XKR4: variants seen among roughly 807,000 people sequenced by gnomAD.
XKR4 encodes the protein XK related 4, also known as XK-related protein 4.
A neutral mutation model predicts 53.9 loss-of-function variants in XKR4; 12 were observed. The observed-to-expected ratio is 0.22, with a 90% CI of 0.14 to 0.36. The LOEUF (loss-of-function observed/expected upper bound fraction) is 0.36. Among genes scored for constraint, XKR4 ranks in the 10% least tolerant of loss-of-function variants. The pLI, the probability that XKR4 is intolerant of heterozygous loss-of-function variation, is 1.00. For synonymous variants in XKR4, 354 were observed against 362.4 expected (o/e 0.98, Z 0.26); for missense variants, 799 against 859.5 (o/e 0.93, Z 0.88).
At chr8:55,332,683 A>T (rs1312799451) in intron 1 of XKR4, among the ~76,000 whole-genome samples, 1 of 152,098 alleles carries the variant, frequency 6.6e-6, no homozygotes, top group Non-Finnish European at 1.5e-5. Flanking sequence ...CTTATTGAGT[A>T]TAATGTGTCT....
chr8:55,166,321 C>T (rs1817065959), intron 1 of XKR4, among the ~76,000 whole-genome samples: 1 of 152,186 alleles, frequency 6.6e-6, no homozygotes, highest in Non-Finnish European at 1.5e-5. Context: ...CAGCACCATC[C>T]TTCTGCTGAC....
intron 1 of XKR4, among the ~76,000 whole-genome samples, chr8:55,255,114 A>G (rs901800795): frequency 6.6e-6 from 1 of 152,166 alleles, no homozygotes; most frequent in Non-Finnish European, 1.5e-5. Flanking sequence ...AAATACCTGT[A>G]TGTCTCCACA....
intron 2 of XKR4, among the ~76,000 whole-genome samples, chr8:55,469,762 A>AGTT (rs1332549460): frequency 1.3e-5 from 2 of 152,088 alleles, no homozygotes; most frequent in African/African-American, 4.8e-5. Context: ...GCCTGACTAT[A>AGTT]AGCTATGAGC....
At chr8:55,145,858 C>G (rs774533412) in intron 1 of XKR4, among the ~76,000 whole-genome samples, 9 of 152,186 alleles carry the variant, frequency 5.9e-5, no homozygotes, top group Admixed American at 2.6e-4. Flanking sequence ...CCAGTTCACT[C>G]CAGTATCTCA....
At chr8:55,427,193 A>C (rs938242812) in intron 2 of XKR4, among the ~76,000 whole-genome samples, 26 of 152,362 alleles carry the variant, frequency 1.7e-4, no homozygotes, top group Non-Finnish European at 2.5e-4. Context: ...ATGCTCTACT[A>C]TACATAGAAT....
chr8:55,399,673 C>T lies in XKR4; in HGVS notation c.1006+41796C>T, dbSNP rs372882236. Among the ~76,000 whole-genome samples, 38 of 152,306 alleles carry T rather than the reference C, an allele frequency of 2.5e-4. No individual in the cohort carries two copies. In the East Asian group the frequency reaches 6.0e-3, roughly 24 times the overall value. ...AAACTGTTCACAGCTCTGACATGGG[C>T]GCTCGTGCCAATGCAGCCATTGGGA... is the stretch of plus-strand genomic sequence containing the variant. On this transcript the variant is annotated intron_variant, in intron 2 of 2. Transcript: ENST00000327381.
chr8:55,480,415 G>A (rs911767064), intron 2 of XKR4, among the ~76,000 whole-genome samples: 1 of 152,246 alleles, frequency 6.6e-6, no homozygotes, highest in South Asian at 2.1e-4. Flanking sequence ...AATTATAAGA[G>A]CTATCTATGA....
chr8:55,457,256 C>T (rs1365126757), intron 2 of XKR4, among the ~76,000 whole-genome samples: 1 of 151,694 alleles, frequency 6.6e-6, no homozygotes, highest in African/African-American at 2.4e-5. Flanking sequence ...CATTCTCCTG[C>T]CTCAGCCTCC....
At chr8:55,160,422 G>C (rs116472876) in intron 1 of XKR4, among the ~76,000 whole-genome samples, 4,603 of 152,246 alleles carry the variant, frequency 0.03, 173 homozygotes, top group East Asian at 0.12. Context: ...CTGTAGGCAT[G>C]AACTAGAAGT....
chr8:55,449,475 C>T (rs1269221435), intron 2 of XKR4: 11 of 1,026,856 alleles, frequency 1.1e-5, no homozygotes, highest in Non-Finnish European at 1.2e-5. Flanking sequence ...TCGGTAACGA[C>T]TGGAAGCAGA....
intron 2 of XKR4, among the ~76,000 whole-genome samples, chr8:55,456,908 T>C (rs1211922740): frequency 6.6e-6 from 1 of 151,988 alleles, no homozygotes; most frequent in African/African-American, 2.4e-5. Context: ...TGAAAGGCTG[T>C]CTACAAATAT....
At chr8:55,233,857 A>G (rs1818081127) in intron 1 of XKR4, among the ~76,000 whole-genome samples, 1 of 152,230 alleles carries the variant, frequency 6.6e-6, no homozygotes, top group Admixed American at 6.5e-5. Context: ...AGCATGAAAA[A>G]AAGCAGAAGC....
intron 1 of XKR4, among the ~76,000 whole-genome samples, chr8:55,302,000 T>C (rs542044600): frequency 1.3e-5 from 2 of 152,336 alleles, no homozygotes; most frequent in East Asian, 1.9e-4. Flanking sequence ...TTTAGTTTAA[T>C]TAGATCCCAT....
chr8:55,107,479 A>G (rs1816167062), intron 1 of XKR4, among the ~76,000 whole-genome samples: 1 of 152,202 alleles, frequency 6.6e-6, no homozygotes, highest in Non-Finnish European at 1.5e-5. Flanking sequence ...GATCTTTCCA[A>G]TAACACACTG....
At chr8:55,408,248 A>G (rs973112185) in intron 2 of XKR4, among the ~76,000 whole-genome samples, 1 of 152,060 alleles carries the variant, frequency 6.6e-6, no homozygotes, top group African/African-American at 2.4e-5. Flanking sequence ...CCTCCTAACG[A>G]CCCTTGGAAG....
chr8:55,341,244 GCCCACTGGGACTCCT>G, intron 1 of XKR4, among the ~76,000 whole-genome samples: 1 of 152,256 alleles, frequency 6.6e-6, no homozygotes, highest in African/African-American at 2.4e-5. Context: ...TGGGACCCAA[GCCCACTGGGACTCCT>G]CTGTGAGGCA....
chr8:55,351,398 G>A (rs761896167), intron 1 of XKR4, among the ~76,000 whole-genome samples: 2 of 152,126 alleles, frequency 1.3e-5, no homozygotes, highest in Non-Finnish European at 2.9e-5. Context: ...GTGAGCTCAA[G>A]GTGCTATAAA....
At chr8:55,346,717 G>GTGTGTGTT (rs1032333930) in intron 1 of XKR4, among the ~76,000 whole-genome samples, 4 of 147,802 alleles carry the variant, frequency 2.7e-5, no homozygotes, top group Admixed American at 1.3e-4. Context: ...GTGTGTGTGT[G>GTGTGTGTT]TGTGTGTGTT....
chr8:55,318,491 C>T (rs1803149040), intron 1 of XKR4, among the ~76,000 whole-genome samples: 1 of 152,086 alleles, frequency 6.6e-6, no homozygotes. Context: ...GCAGTTTGTC[C>T]CAAACTCGAC....
Sources: gnomAD v4.1 joint callset for allele counts (sites outside exome capture counted in the v4.1 genomes callset) on GRCh38, gnomAD v4.1.1 for gene constraint, MANE v1.5 for transcripts, NCBI Gene and HGNC (gene_info 2026-07-23, HGNC 2026-07-21) for gene names.